DCC: variants seen among roughly 807,000 people sequenced by gnomAD.
The protein encoded by DCC is netrin receptor DCC.
A neutral mutation model predicts 172.5 loss-of-function variants in DCC; 58 were observed. The observed-to-expected ratio is 0.34, with a 90% CI of 0.27 to 0.42. The LOEUF (loss-of-function observed/expected upper bound fraction) is 0.42. Among genes scored for constraint, DCC ranks in the 10% least tolerant of loss-of-function variants. The pLI is 1.00. For missense variants in DCC, 1,740 were observed against 1,791.0 expected, an observed-to-expected ratio of 0.97 and a Z score of 0.51; for synonymous variants, 709 against 644.5, an observed-to-expected ratio of 1.10 and a Z score of -1.52.
At chr18:53,132,410 A>G (rs984386908) in intron 7 of DCC, among the ~76,000 whole-genome samples, 1 of 152,058 alleles carries the variant, frequency 6.6e-6, no homozygotes, top group Non-Finnish European at 1.5e-5. Context: ...TCAGACATTC[A>G]CATTTCATCT....
intron 1 of DCC, among the ~76,000 whole-genome samples, chr18:52,581,763 T>A (rs2033556423): frequency 6.6e-6 from 1 of 152,128 alleles, no homozygotes; most frequent in Non-Finnish European, 1.5e-5. Flanking sequence ...TGATTCTGAG[T>A]TAAACTTTGC....
Position 53,486,778 on chromosome 18 carries a change from T to A in DCC, c.3737-19T>A. The A allele has an allele frequency of 6.2e-7, 1 of 1,614,092 alleles. No individual in the cohort carries two copies. Among genetic ancestry groups the A allele is most frequent in the Non-Finnish European group, 8.5e-7 (1 of 1,180,014 alleles). On this transcript the variant is annotated intron_variant, in intron 25 of 28. Coordinates refer to ENST00000442544, the MANE Select transcript of DCC (RefSeq NM_005215.4). ...AATACATAAGGTTCAAAAAACCCAT[T>A]AACCTTTTTCTTTTGCAGCTGTCGT...
chr18:53,194,136 A>G (rs2055407553), intron 9 of DCC, among the ~76,000 whole-genome samples: 1 of 152,156 alleles, frequency 6.6e-6, no homozygotes, highest in African/African-American at 2.4e-5. Flanking sequence ...TCTGGTGCAT[A>G]TCTATTTATA....
At chr18:53,354,448 C>A (rs563595077) in intron 15 of DCC, among the ~76,000 whole-genome samples, 1 of 152,134 alleles carries the variant, frequency 6.6e-6, no homozygotes, top group Non-Finnish European at 1.5e-5. Context: ...TTTTAATGCT[C>A]GCCATTCTAA....
intron 1 of DCC, among the ~76,000 whole-genome samples, chr18:52,381,152 GA>G (rs958495596): frequency 2.1e-4 from 32 of 151,890 alleles, no homozygotes; most frequent in Non-Finnish European, 3.5e-4. Context: ...GCCTCATTAA[GA>G]AAAAAAATCA....
chr18:52,600,388 T>C (rs1203042552), intron 1 of DCC, among the ~76,000 whole-genome samples: 1 of 152,244 alleles, frequency 6.6e-6, no homozygotes, highest in African/African-American at 2.4e-5. Flanking sequence ...GCTAGTACCA[T>C]GCTGTCTATA....
At chr18:52,941,862 A>C (rs537216472) in intron 5 of DCC, among the ~76,000 whole-genome samples, 2 of 151,986 alleles carry the variant, frequency 1.3e-5, no homozygotes, top group Non-Finnish European at 2.9e-5. Context: ...GGCTCACTGC[A>C]ATCTCTGCCT....
intron 1 of DCC, among the ~76,000 whole-genome samples, chr18:52,600,023 C>G (rs567990690): frequency 6.0e-4 from 92 of 152,260 alleles, no homozygotes; most frequent in African/African-American, 2.1e-3. Context: ...TATTCTCAAC[C>G]TTTTCAAATG....
At chr18:52,731,966 G>T (rs1332475134) in intron 1 of DCC, among the ~76,000 whole-genome samples, 1 of 152,070 alleles carries the variant, frequency 6.6e-6, no homozygotes, top group African/African-American at 2.4e-5. Context: ...AATTACTAGA[G>T]CCTAAATCTT....
intron 7 of DCC, among the ~76,000 whole-genome samples, chr18:53,153,248 G>C (rs985458683): frequency 6.6e-6 from 1 of 152,040 alleles, no homozygotes; most frequent in Admixed American, 6.5e-5. Context: ...ATCTAGTAAT[G>C]TTCCCATTTT....
chr18:52,390,463 A>G (rs1985988039), intron 1 of DCC, among the ~76,000 whole-genome samples: 1 of 152,114 alleles, frequency 6.6e-6, no homozygotes, highest in Non-Finnish European at 1.5e-5. Flanking sequence ...AGTAGCAATC[A>G]TTGAACATTT....
intron 2 of DCC, among the ~76,000 whole-genome samples, chr18:52,783,549 T>A (rs1253712366): frequency 6.6e-6 from 1 of 151,708 alleles, no homozygotes; most frequent in East Asian, 1.9e-4. Context: ...GTAAAAGACA[T>A]TGTAGTGTTT....
chr18:53,339,761 C>G lies in DCC; in HGVS notation c.2213C>G (p.Thr738Ser). 1 of 1,613,988 alleles carries G rather than the reference C, an allele frequency of 6.2e-7. No individual in the cohort carries two copies. Among genetic ancestry groups the G allele is most frequent in the Non-Finnish European group, 8.5e-7 (1 of 1,179,954 alleles). ...AGCTCTCTTCATGTGAGGCCCCAGA[C>G]TAACTGCATCATCATGAGTTGGACT... ...QPSSLHVRPQ[T>S]NCIIMSWTPP... Residue 738 changes from threonine (T) to serine (S), a missense_variant, in exon 15 of 29, where the codon ACT becomes AGT. Thr to Ser is a moderately conservative substitution (Grantham distance 58). Around this residue, in one of 2 missense-constraint regions of DCC, gnomAD observed 1,732 missense variants for 1,767.4 expected, o/e 0.98. Coordinates refer to ENST00000442544, the MANE Select transcript of DCC (RefSeq NM_005215.4).
At chr18:53,257,590 G>T (rs2144673225) in intron 12 of DCC, among the ~76,000 whole-genome samples, 1 of 152,298 alleles carries the variant, frequency 6.6e-6, no homozygotes, top group Admixed American at 6.5e-5. Flanking sequence ...TAAGCTTTTT[G>T]ATGTGCTGCT....
At chr18:52,992,011 C>T (rs2041401639) in intron 5 of DCC, among the ~76,000 whole-genome samples, 1 of 152,208 alleles carries the variant, frequency 6.6e-6, no homozygotes, top group African/African-American at 2.4e-5. Context: ...GCAGCTCTCA[C>T]AATTTAAGCA....
At chr18:52,569,523 T>G (rs1169961696) in intron 1 of DCC, among the ~76,000 whole-genome samples, 4 of 152,208 alleles carry the variant, frequency 2.6e-5, no homozygotes, top group Admixed American at 2.6e-4. Flanking sequence ...GGTGGAAAAT[T>G]ACATACTCTA....
intron 9 of DCC, among the ~76,000 whole-genome samples, chr18:53,201,321 C>T (rs62099232): frequency 0.29 from 44,260 of 152,084 alleles, 7,960 homozygotes; most frequent in Non-Finnish European, 0.41. Context: ...TTCCATGTGG[C>T]CACAAGAGAG....
chr18:53,452,938 T>G (rs971353096), intron 23 of DCC, among the ~76,000 whole-genome samples: 11 of 151,638 alleles, frequency 7.3e-5, no homozygotes, highest in African/African-American at 1.9e-4. Flanking sequence ...TTTTTTGAGA[T>G]GGAGTCTCAC....
At chr18:53,239,243 C>T (rs1245707906) in intron 12 of DCC, among the ~76,000 whole-genome samples, 1 of 149,184 alleles carries the variant, frequency 6.7e-6, no homozygotes, top group Non-Finnish European at 1.5e-5. Flanking sequence ...AAAAAAACTC[C>T]AGCAAAGTCC....
Sources: gnomAD v4.1 joint callset for allele counts (sites outside exome capture counted in the v4.1 genomes callset) on GRCh38, gnomAD v4.1.1 for gene constraint, gnomAD v4.1.1 regional missense constraint, MANE v1.5 for transcripts, NCBI Gene and HGNC (gene_info 2026-07-23, HGNC 2026-07-21) for gene names.